The following PDE4B variants were observed in gnomAD, a reference collection of about 807,000 sequenced individuals.
The protein encoded by PDE4B is phosphodiesterase 4B.
Under a neutral mutation model 82.2 loss-of-function variants are expected in PDE4B, and 20 were observed. That is an observed-to-expected ratio of 0.24 (90% CI 0.17 to 0.35). The LOEUF (loss-of-function observed/expected upper bound fraction) is 0.35. Ranked by LOEUF, PDE4B falls within the 10% of genes least tolerant of loss-of-function variation. The pLI, the probability that PDE4B is intolerant of heterozygous loss-of-function variation, is 1.00. For synonymous variants in PDE4B, 320 were observed against 318.9 expected, an observed-to-expected ratio of 1.00 and a Z score of -0.04; for missense variants, 655 against 907.2, an observed-to-expected ratio of 0.72 and a Z score of 3.57.
chr1:66,319,720 G>A (rs370000972), intron 7 of PDE4B, among the ~76,000 whole-genome samples: 95 of 152,254 alleles, frequency 6.2e-4, no homozygotes, highest in African/African-American at 2.2e-3. Flanking sequence ...ATAAAATAAA[G>A]ACAATAATAC....
At chr1:66,027,590 G>T (rs1653518259) in intron 3 of PDE4B, among the ~76,000 whole-genome samples, 1 of 152,128 alleles carries the variant, frequency 6.6e-6, no homozygotes, top group Non-Finnish European at 1.5e-5. Context: ...TCTCACCTGA[G>T]ACAAGGCAAG....
chr1:66,258,481 C>T (rs1176988013), intron 6 of PDE4B, among the ~76,000 whole-genome samples: 1 of 152,186 alleles, frequency 6.6e-6, no homozygotes, highest in Admixed American at 6.5e-5. Flanking sequence ...AATCTATGAG[C>T]TTAAGCTAAG....
At chr1:66,125,267 G>A (rs1474042265) in intron 3 of PDE4B, among the ~76,000 whole-genome samples, 2 of 150,904 alleles carry the variant, frequency 1.3e-5, no homozygotes, top group East Asian at 1.9e-4. Flanking sequence ...AGGTTCAAGC[G>A]ATTCTCCTGC....
intron 3 of PDE4B, among the ~76,000 whole-genome samples, chr1:66,081,832 C>CTCTCTCTG (rs1280680569): frequency 1.6e-5 from 2 of 125,120 alleles, no homozygotes; most frequent in African/African-American, 6.0e-5. Context: ...CTCTCTCTCT[C>CTCTCTCTG]TGTGTGTGTG....
intron 1 of PDE4B, among the ~76,000 whole-genome samples, chr1:65,838,920 A>T (rs1293305525): frequency 6.6e-6 from 1 of 152,164 alleles, no homozygotes; most frequent in Non-Finnish European, 1.5e-5. Flanking sequence ...GTTTCTGTGG[A>T]ACCAAAAATA....
chr1:66,185,782 G>A, intron 3 of PDE4B, among the ~76,000 whole-genome samples: 1 of 151,846 alleles, frequency 6.6e-6, no homozygotes, highest in East Asian at 1.9e-4. Flanking sequence ...CCATTCTGTA[G>A]GTTGCCTTTT....
intron 12 of PDE4B, among the ~76,000 whole-genome samples, chr1:66,363,970 C>T (rs1031994616): frequency 1.3e-5 from 2 of 152,098 alleles, no homozygotes; most frequent in Non-Finnish European, 2.9e-5. Context: ...CCCTTTACAT[C>T]TCTTACTATT....
intron 3 of PDE4B, among the ~76,000 whole-genome samples, chr1:66,186,964 G>C (rs1452940803): frequency 6.6e-6 from 1 of 152,196 alleles, no homozygotes; most frequent in South Asian, 2.1e-4. Flanking sequence ...GATATTGGCT[G>C]TGGGTTTGTC....
chr1:65,796,362 T>A (rs930383893), intron 1 of PDE4B, among the ~76,000 whole-genome samples: 1 of 152,170 alleles, frequency 6.6e-6, no homozygotes, highest in Non-Finnish European at 1.5e-5. Context: ...ATATGAAAGT[T>A]GGATCTTTTG....
intron 6 of PDE4B, among the ~76,000 whole-genome samples, chr1:66,264,132 A>G (rs956919515): frequency 6.6e-6 from 1 of 152,218 alleles, no homozygotes; most frequent in Non-Finnish European, 1.5e-5. Flanking sequence ...AAGTGCTACA[A>G]AAGAGAAGTA....
chr1:66,340,159 C>A (rs922671164), intron 8 of PDE4B, among the ~76,000 whole-genome samples: 1 of 152,150 alleles, frequency 6.6e-6, no homozygotes, highest in African/African-American at 2.4e-5. Flanking sequence ...TTTTCAGGGA[C>A]CTACCAGCAC....
intron 1 of PDE4B, among the ~76,000 whole-genome samples, chr1:65,802,500 C>A (rs188488913): frequency 6.6e-6 from 1 of 152,178 alleles, no homozygotes; most frequent in African/African-American, 2.4e-5. Context: ...ATGGCCATAC[C>A]TAAGTACAAG....
intron 3 of PDE4B, among the ~76,000 whole-genome samples, chr1:66,053,894 A>G (rs954642060): frequency 2.0e-5 from 3 of 152,092 alleles, no homozygotes; most frequent in African/African-American, 7.2e-5. Flanking sequence ...AAGGAATGGG[A>G]TGCAGCCTAA....
intron 3 of PDE4B, among the ~76,000 whole-genome samples, chr1:66,237,052 G>A (rs746474146): frequency 4.6e-5 from 7 of 152,140 alleles, no homozygotes; most frequent in Non-Finnish European, 8.8e-5. Context: ...CAATACCTGT[G>A]AGAAAAAAAT....
chr1:65,993,435 T>G (rs113036056), intron 3 of PDE4B, among the ~76,000 whole-genome samples: 13 of 152,350 alleles, frequency 8.5e-5, no homozygotes, highest in African/African-American at 3.1e-4. Context: ...AAATGAATTT[T>G]TAAAGTCAGT....
At chr1:65,987,803 G>A (rs971568825) in intron 3 of PDE4B, among the ~76,000 whole-genome samples, 3 of 152,020 alleles carry the variant, frequency 2.0e-5, no homozygotes, top group Admixed American at 1.3e-4. Context: ...TAGTAGAGGC[G>A]GGGTTTCACC....
chr1:66,202,879 A>G (rs941707199), intron 3 of PDE4B, among the ~76,000 whole-genome samples: 9 of 151,486 alleles, frequency 5.9e-5, no homozygotes, highest in African/African-American at 1.9e-4. Context: ...TGTGAATTTG[A>G]TCCTGTCATT....
intron 7 of PDE4B, among the ~76,000 whole-genome samples, chr1:66,286,879 A>T (rs1656713811): frequency 6.6e-6 from 1 of 152,170 alleles, no homozygotes; most frequent in South Asian, 2.1e-4. Flanking sequence ...AGAGCCAAGA[A>T]AAGCTAATGT....
At chr1:66,084,761 T>G (rs1031312720) in intron 3 of PDE4B, among the ~76,000 whole-genome samples, 118 of 152,250 alleles carry the variant, frequency 7.8e-4, no homozygotes, top group African/African-American at 2.6e-3. Context: ...TACTTGGTGA[T>G]CTGTCTAGGT....
Sources: gnomAD v4.1 joint callset for allele counts (sites outside exome capture counted in the v4.1 genomes callset) on GRCh38, gnomAD v4.1.1 for gene constraint, MANE v1.5 for transcripts, NCBI Gene and HGNC (gene_info 2026-07-23, HGNC 2026-07-21) for gene names.